Variants in YEATS2 observed in about 807,000 individuals in gnomAD.
The protein encoded by YEATS2 is YEATS domain containing 2, also known as YEATS domain-containing protein 2.
Under a neutral mutation model 163.2 loss-of-function variants are expected in YEATS2, and 77 were observed. The observed-to-expected ratio is 0.47, with a 90% confidence interval of 0.39 to 0.57. The LOEUF is 0.57. Ranked by LOEUF, YEATS2 falls within the 20% of genes least tolerant of loss-of-function variation. The pLI is 0.00. For synonymous variants in YEATS2, 631 were observed against 645.1 expected (o/e 0.98, Z 0.33); for missense variants, 1,549 against 1,729.8 (o/e 0.90, Z 1.85).
intron 19 of YEATS2, among the ~76,000 whole-genome samples, chr3:183,780,771 A>G (rs1723492171): frequency 6.6e-6 from 1 of 152,216 alleles, no homozygotes; most frequent in African/African-American, 2.4e-5. Flanking sequence ...AATCTTTTTT[A>G]TTATAAAGGA....
In YEATS2 at chr3:183,697,832, G is replaced by A. The variant is rs1713625960; in HGVS notation, c.-181G>A. 1 of 150,384 alleles carries A rather than the reference G, an allele frequency of 6.6e-6. No individual in the cohort carries two copies. Among genetic ancestry groups the A allele is most frequent in the East Asian group, 2.0e-4 (1 of 5,120 alleles). The allele number at this position is 150,384 out of a possible 1,614,324, so 9.3% of individuals were successfully genotyped here. A position where few individuals can be genotyped will look rare whatever the true frequency, so the allele number is the denominator to read the frequency against. ...GCTGCTGACGTGCGGGGCGGAACGC[G>A]CCGGGCGGGCTCCACCGCGCCGTGT... On this transcript the variant is annotated 5_prime_UTR_variant, in exon 1 of 31. Transcript: ENST00000305135.
intron 2 of YEATS2, among the ~76,000 whole-genome samples, chr3:183,716,933 C>T (rs1473226524): frequency 6.6e-6 from 1 of 151,464 alleles, no homozygotes; most frequent in African/African-American, 2.4e-5. Flanking sequence ...CGCTCTGTCA[C>T]CCGGGCTGGA....
At chr3:183,706,957 A>G (rs1299835035) in intron 1 of YEATS2, among the ~76,000 whole-genome samples, 1 of 152,226 alleles carries the variant, frequency 6.6e-6, no homozygotes. Flanking sequence ...CAGTTAAAAC[A>G]TAGTCAAAAC....
chr3:183,787,248 G>A (rs546127633), intron 20 of YEATS2, among the ~76,000 whole-genome samples: 28 of 152,202 alleles, frequency 1.8e-4, no homozygotes, highest in South Asian at 1.2e-3. Context: ...CACTGCGCCC[G>A]GCCTGTGATA....
chr3:183,759,043 G>C (rs542207250), intron 13 of YEATS2, 78 bp downstream of exon 13: 1 of 1,014,142 alleles, frequency 9.9e-7, no homozygotes. Context: ...TTCAAATGGA[G>C]ATGGGGTCTC....
At chr3:183,781,378 G>C (rs1406210223) in intron 19 of YEATS2, among the ~76,000 whole-genome samples, 1 of 152,192 alleles carries the variant, frequency 6.6e-6, no homozygotes, top group African/African-American at 2.4e-5. Context: ...AGAAGAGAGA[G>C]AGAATTCGCC....
chr3:183,765,945 TAAA>T, intron 15 of YEATS2, among the ~76,000 whole-genome samples: 1 of 128,840 alleles, frequency 7.8e-6, no homozygotes, highest in African/African-American at 2.9e-5. Context: ...AGACTCTGTC[TAAA>T]AAAAAAAAAA....
chr3:183,786,172 C>T lies in YEATS2; in HGVS notation c.2784C>T (p.Thr928=). 2.5e-6 allele frequency: 4 copies of T among 1,614,124 alleles called. No homozygotes were observed. Among genetic ancestry groups the T allele is most frequent in the Non-Finnish European group, 3.4e-6 (4 of 1,180,002 alleles). The change falls in exon 20 of 31, where the codon ACC becomes ACT. Residue 928 remains threonine (T), a synonymous_variant. Transcript: ENST00000305135. ...CTCTAATGAAAATATCCGATAGCACCTTGAAGACTGTGCCAGCCACCTCAC... is the reference window on the plus strand; with the variant it reads ...CTCTAATGAAAATATCCGATAGCACTTTGAAGACTGTGCCAGCCACCTCAC... ...QASLMKISDS[T]LKTVPATSQL...
intron 27 of YEATS2, 38 bp from the exon 28 acceptor site, chr3:183,806,828 C>T: frequency 6.2e-7 from 1 of 1,608,060 alleles, no homozygotes; most frequent in Non-Finnish European, 8.5e-7. Context: ...CTTCCGTTGG[C>T]CCCACAGCTG....
intron 19 of YEATS2, among the ~76,000 whole-genome samples, chr3:183,778,038 G>A (rs1723172842): frequency 6.6e-6 from 1 of 151,194 alleles, no homozygotes; most frequent in Admixed American, 6.6e-5. Flanking sequence ...CTTGGACCCG[G>A]GAGGCGGAGG....
chr3:183,782,219 C>T (rs1034052320), intron 19 of YEATS2, among the ~76,000 whole-genome samples: 2 of 152,078 alleles, frequency 1.3e-5, no homozygotes, highest in Non-Finnish European at 2.9e-5. Flanking sequence ...AAGCGATTCT[C>T]CTGCCTCAGC....
intron 27 of YEATS2, 80 bp from the exon 28 acceptor site, chr3:183,806,786 A>C: frequency 4.1e-6 from 6 of 1,467,064 alleles, no homozygotes; most frequent in African/African-American, 1.4e-5. Flanking sequence ...CCCCTTCCTC[A>C]GACCATGGGT....
chr3:183,741,762 C>T (rs1718992942), intron 8 of YEATS2, among the ~76,000 whole-genome samples: 1 of 151,662 alleles, frequency 6.6e-6, no homozygotes, highest in Non-Finnish European at 1.5e-5. Flanking sequence ...AGCCTGGTGA[C>T]AGAGCGAGAC....
intron 1 of YEATS2, among the ~76,000 whole-genome samples, chr3:183,706,571 C>G (rs769203731): frequency 7.2e-5 from 11 of 152,180 alleles, no homozygotes; most frequent in African/African-American, 2.7e-4. Flanking sequence ...TAGTGGAGCA[C>G]TGTGGGAGGC....
In YEATS2 at chr3:183,728,694, A is replaced by T. The variant is rs748289027; in HGVS notation, c.655A>T (p.Ile219Leu). Residue 219 changes from isoleucine to leucine, a missense_variant, in exon 7 of 31, where the codon ATA (isoleucine) becomes TTA (leucine). Coordinates refer to ENST00000305135, the MANE Select transcript of YEATS2 (RefSeq NM_018023.5). ...TTCTTTTTTCTTCTTCTCTAGGTAT[A>T]TACCTCCGGATAAGAGGGAAGAAAA... ...TIVVGNVSKYIPPDKREENDQ... is the reference protein window; with the variant it reads ...TIVVGNVSKYLPPDKREENDQ... 6.2e-7 allele frequency: 1 copy of T among 1,604,630 alleles called. No individual in the cohort carries two copies. Among genetic ancestry groups the T allele is most frequent in the Admixed American group, 1.7e-5 (1 of 57,634 alleles).
intron 15 of YEATS2, among the ~76,000 whole-genome samples, chr3:183,771,542 C>CTTTTTTTTTTTTTTTTTTT (rs1722462151): frequency 3.3e-5 from 2 of 60,812 alleles, no homozygotes; most frequent in East Asian, 6.4e-4. Context: ...ATTATTCTTG[C>CTTTTTTTTTTTTTTTTTTT]CTTTTTTTTT....
intron 8 of YEATS2, among the ~76,000 whole-genome samples, chr3:183,744,356 A>G (rs749178207): frequency 2.3e-4 from 35 of 151,766 alleles, no homozygotes; most frequent in Non-Finnish European, 3.7e-4. Flanking sequence ...ACCTCAGGTG[A>G]TCCACCCACC....
At position 183,718,633 on chromosome 3, in the gene YEATS2, A is replaced by G. The variant is rs760662804; in HGVS notation, c.291+41A>G. On this transcript the variant is annotated intron_variant, in intron 4 of 30. Coordinates refer to ENST00000305135, the MANE Select transcript of YEATS2 (RefSeq NM_018023.5). ...ACCCAGTCATTTTCCAGCCACTCATATTTGTTGTCTGAGGGGAAGTTATGT... is the reference window on the plus strand; with the variant it reads ...ACCCAGTCATTTTCCAGCCACTCATGTTTGTTGTCTGAGGGGAAGTTATGT... 5.5e-5 allele frequency: 80 copies of G among 1,466,058 alleles called. No individual in the cohort carries two copies. In the South Asian group the frequency reaches 9.3e-4, roughly 17 times the overall value. The allele number at this position is 1,466,058 out of a possible 1,614,324, so 90.8% of individuals were successfully genotyped here.
intron 7 of YEATS2, among the ~76,000 whole-genome samples, chr3:183,730,648 A>G (rs1299021879): frequency 6.6e-6 from 1 of 152,152 alleles, no homozygotes; most frequent in Admixed American, 6.5e-5. Context: ...AAATTAGTAG[A>G]TAATTGCAAC....
Sources: allele counts gnomAD v4.1 joint callset (sites outside exome capture counted in the v4.1 genomes callset), GRCh38; gene constraint gnomAD v4.1.1; transcripts MANE v1.5; gene names NCBI Gene and HGNC (gene_info 2026-07-23, HGNC 2026-07-21).